The following GPHN variants were observed in gnomAD, a reference collection of about 807,000 sequenced individuals.
GPHN encodes gephyrin.
GPHN carries 17 observed loss-of-function variants against 95.5 expected under a neutral mutation model. The ratio of observed to expected loss-of-function variants is 0.18; its 90% CI spans 0.12 to 0.27. GPHN has a LOEUF of 0.27. Among genes scored for constraint, GPHN ranks in the 10% least tolerant of loss-of-function variants. The pLI, the probability that GPHN is intolerant of heterozygous loss-of-function variation, is 1.00. For synonymous variants in GPHN, 320 were observed against 322.5 expected (o/e 0.99, Z 0.08); for missense variants, 660 against 978.1 (o/e 0.67, Z 4.34).
the GPHN span, among the ~76,000 whole-genome samples, chr14:67,451,487 G>C: frequency 6.6e-6 from 1 of 152,238 alleles, no homozygotes; most frequent in Non-Finnish European, 1.5e-5. Context: ...AAGACCATGG[G>C]AACCTTCCTC....
the GPHN span, chr14:67,374,332 G>A: frequency 4.1e-6 from 2 of 485,780 alleles, no homozygotes; most frequent in Non-Finnish European, 7.4e-6. Context: ...TACTTATGCA[G>A]TATTTTGTTG....
Position 66,922,657 on chromosome 14 carries a change from TG to T in GPHN, c.457-8del. 6.2e-7 allele frequency: 1 copy of T among 1,602,076 alleles called. No homozygotes were observed. Among genetic ancestry groups the T allele is most frequent in the South Asian group, 1.1e-5 (1 of 89,962 alleles). On this transcript the variant is annotated splice_polypyrimidine_tract_variant and splice_region_variant and intron_variant, in intron 6 of 22. Transcript: ENST00000478722. Reference sequence around the variant, plus strand: ...CATCTTAATTTTTTTTTCTTTCTCTTGCATACAGGAATGCTTTCAATTCATA... The same window carrying T: ...CATCTTAATTTTTTTTTCTTTCTCTTCATACAGGAATGCTTTCAATTCATA...
At chr14:67,200,318 C>G in the GPHN span, 83 of 659,408 alleles carry the variant, frequency 1.3e-4, no homozygotes, top group African/African-American at 1.3e-3. Context: ...GGAGCCCTCT[C>G]CCTCAGTAAA....
At chr14:66,991,845 C>G (rs2071442086) in intron 9 of GPHN, among the ~76,000 whole-genome samples, 1 of 142,024 alleles carries the variant, frequency 7.0e-6, no homozygotes, top group Non-Finnish European at 1.5e-5. Flanking sequence ...GCACTCCAGC[C>G]TGGGCAACAG....
At chr14:66,670,621 C>A (rs184810519) in intron 1 of GPHN, among the ~76,000 whole-genome samples, 74 of 152,124 alleles carry the variant, frequency 4.9e-4, no homozygotes, top group Admixed American at 2.5e-3. Context: ...GAAACCCAGT[C>A]TTAACAAAAA....
chr14:67,732,934 AC>A, the GPHN span, among the ~76,000 whole-genome samples: 1 of 151,996 alleles, frequency 6.6e-6, no homozygotes, highest in African/African-American at 2.4e-5. Context: ...GTTTTACAGG[AC>A]TTTTATAATT....
At chr14:66,929,488 A>G (rs2066664114) in intron 8 of GPHN, among the ~76,000 whole-genome samples, 1 of 152,004 alleles carries the variant, frequency 6.6e-6, no homozygotes, top group Admixed American at 6.6e-5. Flanking sequence ...ATATGTCTGG[A>G]TGCTCTGGTG....
At chr14:67,463,368 G>A in the GPHN span, among the ~76,000 whole-genome samples, 7 of 152,186 alleles carry the variant, frequency 4.6e-5, no homozygotes, top group Admixed American at 6.5e-5. Flanking sequence ...AGCTGGGCGC[G>A]GTGGCTCACG....
At chr14:66,597,336 C>T (rs966624618) in intron 1 of GPHN, among the ~76,000 whole-genome samples, 2 of 152,130 alleles carry the variant, frequency 1.3e-5, no homozygotes, top group East Asian at 1.9e-4. Context: ...TCTTCTGAGC[C>T]GTAGTCAGAA....
chr14:66,557,880 G>A (rs893804234), intron 1 of GPHN, among the ~76,000 whole-genome samples: 2 of 152,076 alleles, frequency 1.3e-5, no homozygotes, highest in Non-Finnish European at 2.9e-5. Context: ...AGTAGTTGTA[G>A]AATTCTAAAT....
At chr14:67,157,556 G>C (rs930743503) in intron 18 of GPHN, among the ~76,000 whole-genome samples, 1 of 152,166 alleles carries the variant, frequency 6.6e-6, no homozygotes, top group East Asian at 1.9e-4. Flanking sequence ...AGATGCGGTT[G>C]TTCACACCTG....
At chr14:67,407,412 C>G in the GPHN span, among the ~76,000 whole-genome samples, 1 of 151,766 alleles carries the variant, frequency 6.6e-6, no homozygotes, top group African/African-American at 2.4e-5. Context: ...TGAGCCACCA[C>G]GCCCAGCCCC....
chr14:66,793,767 G>T (rs897029260), intron 3 of GPHN, among the ~76,000 whole-genome samples: 1 of 151,866 alleles, frequency 6.6e-6, no homozygotes, highest in Non-Finnish European at 1.5e-5. Context: ...CTAGAGCAAC[G>T]ATTAAGAATA....
the GPHN span, among the ~76,000 whole-genome samples, chr14:67,462,452 C>T: frequency 6.6e-6 from 1 of 152,184 alleles, no homozygotes; most frequent in Non-Finnish European, 1.5e-5. Flanking sequence ...CTCAAGCAAT[C>T]CTCCTGCCTC....
chr14:66,604,404 G>T (rs1210178346), intron 1 of GPHN, among the ~76,000 whole-genome samples: 1 of 152,040 alleles, frequency 6.6e-6, no homozygotes, highest in Non-Finnish European at 1.5e-5. Context: ...GCATATGTAT[G>T]TGTACGCATT....
chr14:66,614,729 C>A lies in GPHN; in HGVS notation c.65-66378C>A, dbSNP rs150736577. 5.2e-3 allele frequency among the ~76,000 whole-genome samples: 795 copies of A among 151,922 alleles called. 8 individuals carry two copies. Among genetic ancestry groups the A allele is most frequent in the African/African-American group, 0.018 (753 of 41,452 alleles). ...TAAACTTCAAGATGTTTTATGTATT[C>A]TTTTTTATGATTTTTTTCTTTATTT... On this transcript the variant is annotated intron_variant, in intron 1 of 22. Coordinates refer to ENST00000478722, the MANE Select transcript of GPHN (RefSeq NM_020806.5).
the GPHN span, chr14:67,386,296 A>AAT: frequency 6.6e-6 from 1 of 152,636 alleles, no homozygotes; most frequent in Non-Finnish European, 1.5e-5. Flanking sequence ...TATTCAGGTC[A>AAT]ATGTTTTAGA....
chr14:67,202,269 C>T, the GPHN span, among the ~76,000 whole-genome samples: 1 of 152,250 alleles, frequency 6.6e-6, no homozygotes, highest in African/African-American at 2.4e-5. Flanking sequence ...GGTGAAGCCC[C>T]GTCTCTCCTA....
At chr14:66,959,004 G>A (rs1369929181) in intron 8 of GPHN, among the ~76,000 whole-genome samples, 1 of 151,860 alleles carries the variant, frequency 6.6e-6, no homozygotes, top group Non-Finnish European at 1.5e-5. Context: ...TATTGTGTTA[G>A]TGGTTTCCCT....
Sources: gnomAD v4.1 joint callset for allele counts (sites outside exome capture counted in the v4.1 genomes callset) on GRCh38, gnomAD v4.1.1 for gene constraint, MANE v1.5 for transcripts, NCBI Gene and HGNC (gene_info 2026-07-23, HGNC 2026-07-21) for gene names.